Variants in MCM3AP observed in about 807,000 individuals in gnomAD.
The protein encoded by MCM3AP is minichromosome maintenance complex component 3 associated protein.
Under a neutral mutation model 184.1 loss-of-function variants are expected in MCM3AP, and 126 were observed. The ratio of observed to expected loss-of-function variants is 0.68; its 90% confidence interval spans 0.59 to 0.79. The LOEUF (loss-of-function observed/expected upper bound fraction) is 0.79, where lower values mean the gene tolerates loss of function less well. Ranked by LOEUF, MCM3AP falls within the 30% of genes least tolerant of loss-of-function variation. The pLI is 0.00. For missense variants in MCM3AP, 2,496 were observed against 2,479.2 expected, an observed-to-expected ratio of 1.01 and a Z score of -0.14; for synonymous variants, 1,002 against 979.3, an observed-to-expected ratio of 1.02 and a Z score of -0.43.
rs770809345 is a variant in MCM3AP at position 46,270,572 on chromosome 21, T to G, written c.2466-9A>C. 34 of 1,583,544 alleles carry G rather than the reference T, an allele frequency of 2.1e-5. No individual in the cohort carries two copies. The highest frequency in any genetic ancestry group is 2.8e-5 in the Non-Finnish European group (33 of 1,167,286). ...GGAACTGTTGTACTTCTCTGTTAAT[T>G]AAAGGAGAGAAAAGGGGTTGGAATG... On this transcript the variant is annotated splice_polypyrimidine_tract_variant and intron_variant, in intron 8 of 27. Transcript: ENST00000291688.
chr21:46,277,788 C>T (rs945082012), intron 4 of MCM3AP, 71 bp from the exon 5 acceptor site: 30 of 885,254 alleles, frequency 3.4e-5, no homozygotes, highest in South Asian at 3.3e-4. Context: ...TTTCTGAACA[C>T]GTCCCCTCAT....
chr21:46,280,743 C>T (rs549029632), intron 2 of MCM3AP, among the ~76,000 whole-genome samples, 168 bp from the exon 3 acceptor site: 4 of 152,332 alleles, frequency 2.6e-5, no homozygotes, highest in South Asian at 4.1e-4. Context: ...ACTGCATGGT[C>T]TCTGGCTGCG....
chr21:46,251,784 A>T, intron 19 of MCM3AP, 102 bp from the exon 20 acceptor site: 1 of 678,248 alleles, frequency 1.5e-6, no homozygotes, highest in African/African-American at 1.8e-5. Flanking sequence ...GAAAAATATC[A>T]CACAGACCTA....
chr21:46,243,531 GATC>G lies in MCM3AP; in HGVS notation c.5227_5229del (p.Asp1743del). 6.2e-7 allele frequency: 1 copy of G among 1,614,210 alleles called. No homozygotes were observed. Among genetic ancestry groups the G allele is most frequent in the Non-Finnish European group, 8.5e-7 (1 of 1,180,030 alleles). The stretch of plus-strand genomic sequence containing the variant: ...TTGTGGTTGATACACAAGGCGATAA[GATC>G]ATCCCATGGGATCTCCATGACCGAG... On this transcript the variant is annotated inframe_deletion, in exon 24 of 28. Coordinates refer to ENST00000291688, the MANE Select transcript of MCM3AP (RefSeq NM_003906.5).
chr21:46,238,764 A>G (rs189548403), intron 26 of MCM3AP, among the ~76,000 whole-genome samples: 1 of 152,188 alleles, frequency 6.6e-6, no homozygotes, highest in East Asian at 1.9e-4. Flanking sequence ...GACTGATTTT[A>G]GTAATCGGAC....
At chr21:46,255,165 GGCAGGGTGC>G (rs2080930353) in intron 17 of MCM3AP, among the ~76,000 whole-genome samples, 1 of 152,232 alleles carries the variant, frequency 6.6e-6, no homozygotes, top group South Asian at 2.1e-4. Context: ...GCTGGAGCCA[GGCAGGGTGC>G]GTGTTGCAGT....
rs143439097 is a variant in MCM3AP, at chr21:46,266,027, G to C, written c.2929C>G (p.His977Asp). 6.1e-5 allele frequency: 99 copies of C among 1,612,032 alleles called. No individual in the cohort carries two copies. Among genetic ancestry groups the C allele is most frequent in the Admixed American group, 6.7e-5 (4 of 59,884 alleles). ...GAGTTGAAGCTGCACACAGGGGTAT[G>C]ACGAGGGACGGGGGGCAATGGCCCT... ...NGGPLPPVPR[H>D]TPVCSFNSQN... Residue 977 changes from histidine to aspartate, a missense_variant, in exon 11 of 28, where the codon CAT (histidine) becomes GAT (aspartate). Physicochemically the swap from His to Asp is moderately conservative, Grantham distance 81. This residue lies in a region of MCM3AP where 1,323 missense variants were observed against 1,273.4 expected (regional missense o/e 1.04). Transcript: ENST00000291688.
At position 46,285,363 on chromosome 21, in the gene MCM3AP, A is replaced by G; in HGVS notation, c.-77T>C. The G allele has an allele frequency of 1.1e-6, 1 of 910,764 alleles. No individual in the cohort carries two copies. The highest frequency in any genetic ancestry group is 1.7e-6 in the Non-Finnish European group (1 of 575,328). 56.4% of individuals were successfully genotyped at this position (910,764 alleles called of 1,614,324 possible). A position where few individuals can be genotyped will look rare whatever the true frequency, so the allele number is the denominator to read the frequency against. On this transcript the variant is annotated 5_prime_UTR_variant, in exon 1 of 28. Transcript: ENST00000291688. Reference sequence around the variant, plus strand: ...TTGGCTTCCTGAAACAGCCTGTAGCACTAGGGAGTTCCCCTTCGTCTTTAG... The same window carrying G: ...TTGGCTTCCTGAAACAGCCTGTAGCGCTAGGGAGTTCCCCTTCGTCTTTAG...
intron 10 of MCM3AP, chr21:46,266,514 A>G: frequency 4.1e-6 from 1 of 241,336 alleles, no homozygotes; most frequent in Non-Finnish European, 8.0e-6. Context: ...GAGGAGTTAG[A>G]GGAGACAGGG....
chr21:46,235,464 G>A lies in MCM3AP; in HGVS notation c.5785-38C>T, dbSNP rs73144767. The A allele has an allele frequency of 3.3e-3, 5,258 of 1,580,580 alleles. 18 individuals carry two copies. Among genetic ancestry groups the A allele is most frequent in the Non-Finnish European group, 4.2e-3 (4,817 of 1,151,650 alleles). ...AAAAGAAACTGAACAGTTTTGGGAT[G>A]TCAATAAACCACGACCTATCTCTGG... On this transcript the variant is annotated intron_variant, in intron 27 of 27. Transcript: ENST00000291688.
At chr21:46,243,870 G>A (rs2080719101) in intron 23 of MCM3AP, 148 bp from the exon 24 acceptor site, 3 of 748,466 alleles carry the variant, frequency 4.0e-6, no homozygotes, top group South Asian at 1.8e-5. Context: ...AGGGGGAAGA[G>A]CAGCTTGCTC....
At position 46,246,891 on chromosome 21, in the gene MCM3AP, A is replaced by G. The variant is rs1482063350; in HGVS notation, c.4291-5T>C. 3 of 1,613,120 alleles carry G rather than the reference A, an allele frequency of 1.9e-6. No homozygotes were observed. The African/African-American group carries it at 4.0e-5, about 22-fold the overall frequency. On this transcript the variant is annotated splice_polypyrimidine_tract_variant and splice_region_variant and intron_variant, in intron 20 of 27. Coordinates refer to ENST00000291688, the MANE Select transcript of MCM3AP (RefSeq NM_003906.5). The stretch of plus-strand genomic sequence containing the variant: ...ACTGAGGGCGCCATGGGCCACCTGC[A>G]ACAGCATCAAGATCATCAGGAGAGA...
In MCM3AP at chr21:46,242,985, C is replaced by CA. The variant is rs56371413; in HGVS notation, c.5297-55dup. ...GAGGCCAGCCTGGCCAACCCTGTCT[C>CA]AAAAAAAAAAAAAACACACACAAAA... On this transcript the variant is annotated intron_variant, in intron 24 of 27. Coordinates refer to ENST00000291688, the MANE Select transcript of MCM3AP (RefSeq NM_003906.5). 0.03 allele frequency: 30,328 copies of CA among 1,007,472 alleles called. 65 individuals are homozygous for CA. The highest frequency in any genetic ancestry group is 0.062 in the African/African-American group (3,485 of 55,932). 62.4% of individuals were successfully genotyped at this position (1,007,472 alleles called of 1,614,324 possible). A position where few individuals can be genotyped will look rare whatever the true frequency, so the allele number is the denominator to read the frequency against.
chr21:46,270,857 G>A (rs899324991), intron 8 of MCM3AP, among the ~76,000 whole-genome samples: 1 of 152,174 alleles, frequency 6.6e-6, no homozygotes, highest in African/African-American at 2.4e-5. Flanking sequence ...TCTTACTGGT[G>A]AAATGTGCCG....
chr21:46,257,461 C>G (rs2080973146), intron 16 of MCM3AP, among the ~76,000 whole-genome samples: 2 of 96,666 alleles, frequency 2.1e-5, no homozygotes, highest in Admixed American at 2.9e-4. Flanking sequence ...TGTGTACCAG[C>G]AAGGCTCCGT....
chr21:46,273,065 C>A (rs578204937), intron 7 of MCM3AP, among the ~76,000 whole-genome samples: 2 of 152,028 alleles, frequency 1.3e-5, no homozygotes, highest in Non-Finnish European at 2.9e-5. Context: ...ACAACCTCCG[C>A]CTCCCAGGTT....
intron 2 of MCM3AP, among the ~76,000 whole-genome samples, chr21:46,282,811 AT>A (rs1335022519): frequency 2.0e-5 from 3 of 152,130 alleles, no homozygotes; most frequent in Non-Finnish European, 4.4e-5. Context: ...TCTCAAAAAA[AT>A]AAATAAATAA....
chr21:46,285,183 T>G lies in MCM3AP; in HGVS notation c.104A>C (p.Gln35Pro). ...LPSKPPFRFGQPSLFGQNSTL... is the reference protein window; with the variant it reads ...LPSKPPFRFGPPSLFGQNSTL... ...ACTGTTTTGTCCAAAAAGAGAAGGT[T>G]GACCAAATCGAAATGGCGGCTTAGA... The change falls in exon 1 of 28, where the codon CAA becomes CCA. Residue 35 changes from glutamine to proline, a missense_variant. Around this residue, in one of 5 missense-constraint regions of MCM3AP, gnomAD observed 800 missense variants for 717.1 expected, o/e 1.12. Transcript: ENST00000291688. 3.7e-6 allele frequency: 6 copies of G among 1,614,224 alleles called. No homozygotes were observed. The highest frequency in any genetic ancestry group is 5.1e-6 in the Non-Finnish European group (6 of 1,180,044).
At chr21:46,249,286 C>T (rs890899361) in intron 20 of MCM3AP, among the ~76,000 whole-genome samples, 5 of 152,304 alleles carry the variant, frequency 3.3e-5, no homozygotes, top group Middle Eastern at 3.4e-3. Flanking sequence ...CTCCCAGGTT[C>T]AAGCAATCTT....
Sources: allele counts gnomAD v4.1 joint callset (sites outside exome capture counted in the v4.1 genomes callset), GRCh38; gene constraint gnomAD v4.1.1; regional missense constraint gnomAD v4.1.1; transcripts MANE v1.5; gene names NCBI Gene and HGNC (gene_info 2026-07-23, HGNC 2026-07-21).